Variants in LINGO2 observed in about 807,000 individuals in gnomAD.
LINGO2 encodes leucine rich repeat and Ig domain containing 2, also known as leucine-rich repeat and immunoglobulin-like domain-containing nogo receptor-interacting protein 2.
A neutral mutation model predicts 30.6 loss-of-function variants in LINGO2; 14 were observed. The ratio of observed to expected loss-of-function variants is 0.46; its 90% CI spans 0.30 to 0.72. LINGO2 has a LOEUF of 0.72. LINGO2 is among the 30% of genes least tolerant of loss of function. The pLI, the probability that LINGO2 is intolerant of heterozygous loss-of-function variation, is 0.07. For synonymous variants in LINGO2, 317 were observed against 288.5 expected (o/e 1.10, Z -1.00); for missense variants, 729 against 751.7 (o/e 0.97, Z 0.35).
intron 5 of LINGO2, among the ~76,000 whole-genome samples, chr9:28,006,646 G>A (rs1822281981): frequency 6.6e-6 from 1 of 151,982 alleles, no homozygotes; most frequent in South Asian, 2.1e-4. Flanking sequence ...TTTAACCATG[G>A]TATATTTTGC....
At chr9:28,055,350 G>A (rs950768125) in intron 4 of LINGO2, among the ~76,000 whole-genome samples, 2 of 152,092 alleles carry the variant, frequency 1.3e-5, no homozygotes, top group East Asian at 1.9e-4. Flanking sequence ...GAAAAGGGCT[G>A]CTCAAATAAA....
chr9:29,047,545 T>G, the LINGO2 span, among the ~76,000 whole-genome samples: 1 of 152,122 alleles, frequency 6.6e-6, no homozygotes. Flanking sequence ...ACTGAAAGAC[T>G]TTCCTCTAAG....
At chr9:28,104,457 C>G (rs1222589345) in intron 4 of LINGO2, among the ~76,000 whole-genome samples, 3 of 151,830 alleles carry the variant, frequency 2.0e-5, no homozygotes, top group African/African-American at 7.3e-5. Flanking sequence ...GATTCTCCCT[C>G]TATGATCTCA....
chr9:28,282,030 T>C (rs1279319431), intron 4 of LINGO2, among the ~76,000 whole-genome samples: 2 of 152,120 alleles, frequency 1.3e-5, no homozygotes. Context: ...CCTTAAATTA[T>C]GCCCCTGAAT....
At chr9:29,087,717 C>T in the LINGO2 span, among the ~76,000 whole-genome samples, 1 of 151,778 alleles carries the variant, frequency 6.6e-6, no homozygotes, top group Non-Finnish European at 1.5e-5. Context: ...ATATAATGCC[C>T]AATATAGGAT....
At chr9:29,023,195 A>G in the LINGO2 span, among the ~76,000 whole-genome samples, 1 of 152,068 alleles carries the variant, frequency 6.6e-6, no homozygotes. Context: ...CATGTTATTT[A>G]ATCTGAAAAT....
chr9:29,213,267 T>C, the LINGO2 span, among the ~76,000 whole-genome samples: 1 of 152,172 alleles, frequency 6.6e-6, no homozygotes, highest in Admixed American at 6.5e-5. Context: ...CGGCCGCTCC[T>C]CTTGCTTTCT....
intron 1 of LINGO2, among the ~76,000 whole-genome samples, chr9:28,579,429 G>A (rs1412273795): frequency 3.9e-5 from 6 of 151,978 alleles, no homozygotes; most frequent in African/African-American, 1.5e-4. Context: ...GTTGCTGGCT[G>A]TCTATTATAC....
At chr9:29,074,038 A>T in the LINGO2 span, among the ~76,000 whole-genome samples, 1 of 151,800 alleles carries the variant, frequency 6.6e-6, no homozygotes, top group Non-Finnish European at 1.5e-5. Context: ...TCAAACTTTG[A>T]TTTTTTTCTA....
intron 4 of LINGO2, among the ~76,000 whole-genome samples, chr9:28,093,675 A>C (rs1826163442): frequency 6.6e-6 from 1 of 151,976 alleles, no homozygotes; most frequent in Non-Finnish European, 1.5e-5. Flanking sequence ...TGCTTCTTCT[A>C]GTCTGAAGAT....
intron 4 of LINGO2, among the ~76,000 whole-genome samples, chr9:28,241,673 G>A (rs897173180): frequency 3.3e-5 from 5 of 152,166 alleles, no homozygotes; most frequent in African/African-American, 1.2e-4. Context: ...TCAACTGAGT[G>A]AGATCCCCCA....
the LINGO2 span, among the ~76,000 whole-genome samples, chr9:28,838,884 T>G: frequency 1.3e-5 from 2 of 152,134 alleles, no homozygotes; most frequent in Non-Finnish European, 2.9e-5. Flanking sequence ...TGAGCAAGCA[T>G]GGGACCCAGC....
At chr9:28,293,645 T>C (rs1823819351) in intron 4 of LINGO2, among the ~76,000 whole-genome samples, 1 of 152,158 alleles carries the variant, frequency 6.6e-6, no homozygotes, top group Non-Finnish European at 1.5e-5. Flanking sequence ...GCTGATTTTC[T>C]GTCTGCTGGT....
the LINGO2 span, among the ~76,000 whole-genome samples, chr9:29,124,278 C>T: frequency 6.6e-6 from 1 of 152,128 alleles, no homozygotes; most frequent in Non-Finnish European, 1.5e-5. Context: ...GGATTAAAGA[C>T]TTAAACATAA....
At chr9:28,780,533 G>A in the LINGO2 span, among the ~76,000 whole-genome samples, 1 of 152,092 alleles carries the variant, frequency 6.6e-6, no homozygotes, top group African/African-American at 2.4e-5. Flanking sequence ...ATGTGGAAGA[G>A]GAAGATGAGA....
the LINGO2 span, among the ~76,000 whole-genome samples, chr9:28,972,118 G>A: frequency 6.6e-6 from 1 of 152,228 alleles, no homozygotes; most frequent in Non-Finnish European, 1.5e-5. Context: ...AGCAAAAACA[G>A]CTTAGACCAC....
At chr9:28,226,690 A>G (rs1821177634) in intron 4 of LINGO2, among the ~76,000 whole-genome samples, 1 of 89,856 alleles carries the variant, frequency 1.1e-5, no homozygotes, top group Non-Finnish European at 2.1e-5. Context: ...AAAGAAAGAA[A>G]GAAAGAAAGA....
intron 5 of LINGO2, among the ~76,000 whole-genome samples, chr9:28,007,728 C>A (rs982870867): frequency 6.7e-6 from 1 of 149,036 alleles, no homozygotes; most frequent in Non-Finnish European, 1.5e-5. Flanking sequence ...TAAATGTTAT[C>A]ATTTTTTATT....
intron 1 of LINGO2, among the ~76,000 whole-genome samples, chr9:28,514,047 A>G (rs369893714): frequency 9.9e-5 from 15 of 152,148 alleles, no homozygotes; most frequent in African/African-American, 3.4e-4. Flanking sequence ...TGTTATGGTG[A>G]TCTCTGATCC....
Sources: allele counts gnomAD v4.1 joint callset (sites outside exome capture counted in the v4.1 genomes callset), GRCh38; gene constraint gnomAD v4.1.1; transcripts MANE v1.5; gene names NCBI Gene and HGNC (gene_info 2026-07-23, HGNC 2026-07-21).